Variants in SPIDR observed in about 807,000 individuals in gnomAD.
SPIDR encodes the protein DNA repair-scaffolding protein.
SPIDR carries 93 observed loss-of-function variants against 104.6 expected under a neutral mutation model. That is an observed-to-expected ratio of 0.89 (90% confidence interval 0.75 to 1.06). The LOEUF is 1.06. Among genes scored for constraint, SPIDR ranks in the 50% least tolerant of loss-of-function variants. The probability of loss-of-function intolerance (pLI) is 0.00; values close to 1 mark genes in which losing one functional copy is unlikely to be tolerated. For missense variants in SPIDR, 1,154 were observed against 1,111.2 expected (o/e 1.04, Z -0.55); for synonymous variants, 431 against 416.9 (o/e 1.03, Z -0.41).
At chr8:47,409,739 C>A (rs184637233) in intron 7 of SPIDR, among the ~76,000 whole-genome samples, 1 of 152,088 alleles carries the variant, frequency 6.6e-6, no homozygotes, top group Non-Finnish European at 1.5e-5. Context: ...TTTTAAAATC[C>A]TTTCCGAGGC....
At chr8:47,364,484 A>G (rs1554633060) in intron 5 of SPIDR, among the ~76,000 whole-genome samples, 1 of 152,156 alleles carries the variant, frequency 6.6e-6, no homozygotes, top group African/African-American at 2.4e-5. Context: ...GTTTTTCAGT[A>G]TGTAAGGTGT....
At chr8:47,498,536 T>TA (rs2079824277) in intron 8 of SPIDR, among the ~76,000 whole-genome samples, 1 of 152,218 alleles carries the variant, frequency 6.6e-6, no homozygotes, top group African/African-American at 2.4e-5. Flanking sequence ...CCTTCCCAGA[T>TA]AGTCTCTAGG....
At chr8:47,364,284 G>T (rs1040724692) in intron 5 of SPIDR, among the ~76,000 whole-genome samples, 1 of 152,124 alleles carries the variant, frequency 6.6e-6, no homozygotes, top group South Asian at 2.1e-4. Context: ...ACTATGAGTC[G>T]ATGTTCCTTT....
intron 3 of SPIDR, among the ~76,000 whole-genome samples, chr8:47,284,606 A>G (rs2154229191): frequency 6.6e-6 from 1 of 152,318 alleles, no homozygotes; most frequent in African/African-American, 2.4e-5. Context: ...CCACAGGGCT[A>G]GATTCTTTCT....
chr8:47,631,829 C>T (rs1301651784), intron 10 of SPIDR, among the ~76,000 whole-genome samples: 1 of 152,184 alleles, frequency 6.6e-6, no homozygotes, highest in Non-Finnish European at 1.5e-5. Context: ...GAATTCAGCC[C>T]TTACCTCGGG....
chr8:47,319,662 G>C (rs146167889), intron 5 of SPIDR, among the ~76,000 whole-genome samples: 5 of 152,056 alleles, frequency 3.3e-5, no homozygotes, highest in African/African-American at 1.2e-4. Context: ...GCACCACACC[G>C]CACTTATTCC....
At position 47,732,251 on chromosome 8, in the gene SPIDR, C is replaced by T. The variant is rs979480186; in HGVS notation, c.2604+2786C>T. The stretch of plus-strand genomic sequence containing the variant: ...ACTAGAATATTCCCATAGGTAAAAG[C>T]CCTGCTTATAAAGAGCTCAAAGGTG... On this transcript the variant is annotated intron_variant, in intron 19 of 19. Transcript: ENST00000297423. 7 of 701,018 alleles carry T rather than the reference C, an allele frequency of 1.0e-5. No homozygotes were observed. The Admixed American group carries it at 1.4e-4, about 14-fold the overall frequency. The allele number at this position is 701,018 out of a possible 1,614,324, so 43.4% of individuals were successfully genotyped here.
intron 5 of SPIDR, among the ~76,000 whole-genome samples, chr8:47,301,477 T>G (rs2042081883): frequency 6.6e-6 from 1 of 152,146 alleles, no homozygotes; most frequent in Non-Finnish European, 1.5e-5. Context: ...GTGAATTTGA[T>G]CCTGTCATTA....
rs191697277 is a variant in SPIDR at position 47,314,817 on chromosome 8, A to G, written c.525+20787A>G. Among the ~76,000 whole-genome samples the G allele has an allele frequency of 2.0e-4, 31 of 152,338 alleles. 1 individual carries two copies. The highest frequency in any genetic ancestry group is 3.4e-3 in the Middle Eastern group (1 of 294). The stretch of plus-strand genomic sequence containing the variant: ...CTATGAATAATTACCTTAATTGAAA[A>G]TAGATTAAGTGTTTTATTTGAAGGT... On this transcript the variant is annotated intron_variant, in intron 5 of 19. Coordinates refer to ENST00000297423, the MANE Select transcript of SPIDR (RefSeq NM_001080394.4).
At chr8:47,667,669 C>T (rs1421727543) in intron 10 of SPIDR, 1 of 151,530 alleles carries the variant, frequency 6.6e-6, no homozygotes, top group East Asian at 1.9e-4. Context: ...TAAACAAAAG[C>T]AAGAAATAAT....
Position 47,483,152 on chromosome 8 carries a change from GT to G in SPIDR, c.1097+42614del, listed in dbSNP as rs1554728456. 2.7e-4 allele frequency among the ~76,000 whole-genome samples: 41 copies of G among 151,876 alleles called. No homozygotes were observed. The East Asian group carries it at 7.0e-3, about 26-fold the overall frequency. ...GGTTTTTTTTTGTTTGTTTTGTTTTGTTTTGTTTTGTTTTGTTTGTGTGTGT... is the reference window on the plus strand; with the variant it reads ...GGTTTTTTTTTGTTTGTTTTGTTTTGTTTGTTTTGTTTTGTTTGTGTGTGT... On this transcript the variant is annotated intron_variant, in intron 8 of 19. Coordinates refer to ENST00000297423, the MANE Select transcript of SPIDR (RefSeq NM_001080394.4).
At position 47,285,616 on chromosome 8, in the gene SPIDR, C is replaced by T. The variant is rs1203762021; in HGVS notation, c.256+1522C>T. On this transcript the variant is annotated intron_variant, in intron 3 of 19. Coordinates refer to ENST00000297423, the MANE Select transcript of SPIDR (RefSeq NM_001080394.4). The stretch of plus-strand genomic sequence containing the variant: ...TGGCTTGTAGATGATTGCCTTCTTC[C>T]TCTCTCTCTTCCCCAGGTCTCTTCA... 9.9e-5 allele frequency among the ~76,000 whole-genome samples: 15 copies of T among 152,236 alleles called. 1 individual carries two copies. The East Asian group carries it at 2.9e-3, about 29-fold the overall frequency.
Position 47,366,461 on chromosome 8 carries a change from G to T in SPIDR, c.526-29915G>T, listed in dbSNP as rs116928752. ...GGCTGTGCACAGACAGAAAGAACAG[G>T]AAAGAGAAGGGAGGTCAGTGCAGGA... On this transcript the variant is annotated intron_variant, in intron 5 of 19. Transcript: ENST00000297423. Among the ~76,000 whole-genome samples, 34 of 152,250 alleles carry T rather than the reference G, an allele frequency of 2.2e-4. No individual in the cohort carries two copies. In the East Asian group the frequency reaches 4.6e-3, roughly 21 times the overall value.
At chr8:47,600,291 G>T (rs1319836910) in intron 10 of SPIDR, among the ~76,000 whole-genome samples, 1 of 152,034 alleles carries the variant, frequency 6.6e-6, no homozygotes, top group African/African-American at 2.4e-5. Flanking sequence ...AGGCAGGCAG[G>T]TCACTTGAGC....
chr8:47,496,682 G>GT (rs975012681), intron 8 of SPIDR, among the ~76,000 whole-genome samples: 1 of 146,034 alleles, frequency 6.8e-6, no homozygotes, highest in Non-Finnish European at 1.5e-5. Flanking sequence ...TGGTGTGAGA[G>GT]TAATACTATT....
intron 8 of SPIDR, among the ~76,000 whole-genome samples, chr8:47,482,881 G>C (rs979731849): frequency 1.3e-5 from 2 of 152,084 alleles, no homozygotes; most frequent in African/African-American, 4.8e-5. Flanking sequence ...TGTCGCCCAA[G>C]CTGGAGTGCA....
At chr8:47,580,729 G>T (rs922922233) in intron 8 of SPIDR, among the ~76,000 whole-genome samples, 1 of 151,128 alleles carries the variant, frequency 6.6e-6, no homozygotes, top group Non-Finnish European at 1.5e-5. Flanking sequence ...TTGTTACAAG[G>T]TCTGGTTTAT....
chr8:47,479,081 C>T (rs558528924), intron 8 of SPIDR, among the ~76,000 whole-genome samples: 9 of 152,046 alleles, frequency 5.9e-5, no homozygotes, highest in Admixed American at 3.9e-4. Context: ...GGATGTGGGG[C>T]GGGGTGCAGT....
At chr8:47,408,000 AAT>A (rs869239435) in intron 7 of SPIDR, 39 bp downstream of exon 7, 26 of 1,138,022 alleles carry the variant, frequency 2.3e-5, no homozygotes, top group East Asian at 2.6e-5. Flanking sequence ...TGTGTAAAAA[AAT>A]ATTTTAGTTA....
Sources: allele counts gnomAD v4.1 joint callset (sites outside exome capture counted in the v4.1 genomes callset), GRCh38; gene constraint gnomAD v4.1.1; transcripts MANE v1.5; gene names NCBI Gene and HGNC (gene_info 2026-07-23, HGNC 2026-07-21).